COPG1: variants seen among roughly 807,000 people sequenced by gnomAD.
The protein encoded by COPG1 is coat protein complex I subunit gamma 1.
Under a neutral mutation model 102.8 loss-of-function variants are expected in COPG1, and 29 were observed. The ratio of observed to expected loss-of-function variants is 0.28; its 90% CI spans 0.21 to 0.38. The LOEUF is 0.38. Ranked by LOEUF, COPG1 falls within the 10% of genes least tolerant of loss-of-function variation. The pLI, the probability that COPG1 is intolerant of heterozygous loss-of-function variation, is 1.00. For missense variants in COPG1, 875 were observed against 1,132.7 expected (o/e 0.77, Z 3.27); for synonymous variants, 406 against 421.6 (o/e 0.96, Z 0.45).
intron 5 of COPG1, 101 bp downstream of exon 5, chr3:129,253,056 G>A: frequency 9.8e-7 from 1 of 1,017,366 alleles, no homozygotes; most frequent in East Asian, 2.4e-5. Context: ...CATATTGCCA[G>A]CTGCCCACCC....
Position 129,275,060 on chromosome 3 carries a change from C to G in COPG1, c.2395+84C>G, listed in dbSNP as rs903812201. 6.5e-7 allele frequency: 1 copy of G among 1,547,338 alleles called. No homozygotes were observed. The highest frequency in any genetic ancestry group is 1.7e-5 in the Admixed American group (1 of 58,788). Reference sequence around the variant, plus strand: ...TTGAAGTGCTCATCCCTTTTCTCTCCAAGGATCCAGGGCCATGTCTGGAGC... The same window carrying G: ...TTGAAGTGCTCATCCCTTTTCTCTCGAAGGATCCAGGGCCATGTCTGGAGC... On this transcript the variant is annotated intron_variant, in intron 22 of 23. Coordinates refer to ENST00000314797, the MANE Select transcript of COPG1 (RefSeq NM_016128.4). The surrounding 1 kb of genome is among the most constrained non-coding windows in gnomAD (Gnocchi z 5.0).
intron 21 of COPG1, 33 bp downstream of exon 21, chr3:129,272,937 T>C: frequency 7.6e-7 from 1 of 1,320,472 alleles, no homozygotes; most frequent in Non-Finnish European, 1.1e-6. Flanking sequence ...CTCAGTTTTG[T>C]GCTGAGGCTG....
chr3:129,256,420 G>A (rs1012347527), intron 8 of COPG1, among the ~76,000 whole-genome samples: 15 of 152,238 alleles, frequency 9.9e-5, no homozygotes, highest in Non-Finnish European at 2.2e-4. Flanking sequence ...TATTGTTTTG[G>A]AGCATATGAT....
chr3:129,266,944 C>T (rs1940072271), intron 14 of COPG1, 80 bp from the exon 15 acceptor site: 3 of 1,234,022 alleles, frequency 2.4e-6, no homozygotes, highest in South Asian at 1.2e-5. Context: ...TGCCTGAAGA[C>T]CCATTCTGAG....
intron 21 of COPG1, among the ~76,000 whole-genome samples, chr3:129,274,511 T>C (rs1576971168): frequency 6.6e-6 from 1 of 152,184 alleles, no homozygotes; most frequent in Admixed American, 6.5e-5. Flanking sequence ...GAGAATGCTA[T>C]GTAATTCCCT....
At chr3:129,277,044 G>A (rs532321389) in intron 23 of COPG1, among the ~76,000 whole-genome samples, 31 of 151,932 alleles carry the variant, frequency 2.0e-4, no homozygotes, top group Middle Eastern at 3.4e-3. Context: ...GGCTGGTCTC[G>A]AATTCCTGAC....
chr3:129,272,115 C>A (rs767631046), intron 19 of COPG1, 129 bp from the exon 20 acceptor site: 9 of 1,059,344 alleles, frequency 8.5e-6, no homozygotes, highest in Non-Finnish European at 1.2e-5. Flanking sequence ...AGACAGGGAA[C>A]CTGGGGCAGG....
chr3:129,267,292 T>A, intron 15 of COPG1, 193 bp downstream of exon 15: 1 of 461,266 alleles, frequency 2.2e-6, no homozygotes, highest in Non-Finnish European at 3.9e-6. Flanking sequence ...GATGTGACAA[T>A]TGGTAACTTG....
At chr3:129,252,770 C>G (rs1939726402) in intron 4 of COPG1, 76 bp downstream of exon 4, 1 of 1,546,718 alleles carries the variant, frequency 6.5e-7, no homozygotes, top group African/African-American at 1.4e-5. Flanking sequence ...GAGAGCTGGC[C>G]CCACCAGTCA....
chr3:129,264,973 C>T (rs1338741588), intron 13 of COPG1, among the ~76,000 whole-genome samples: 1 of 151,956 alleles, frequency 6.6e-6, no homozygotes, highest in Non-Finnish European at 1.5e-5. Flanking sequence ...AGGTGCCCCC[C>T]ACCACGCCCG....
intron 10 of COPG1, among the ~76,000 whole-genome samples, chr3:129,258,331 C>G (rs182798215): frequency 6.6e-6 from 1 of 152,366 alleles, no homozygotes; most frequent in African/African-American, 2.4e-5. Flanking sequence ...CCTCTCCATG[C>G]CTTCCTTTTC....
chr3:129,255,170 T>TCTTC (rs1939782250), intron 7 of COPG1, 93 bp downstream of exon 7: 1 of 792,740 alleles, frequency 1.3e-6, no homozygotes, highest in Non-Finnish European at 2.0e-6. Flanking sequence ...AGAAAGTGTT[T>TCTTC]CTTTCTTTCT....
At position 129,255,010 on chromosome 3, in the gene COPG1, G is replaced by A; in HGVS notation, c.425G>A (p.Arg142His). Residue 142 changes from arginine (R) to histidine (H), a missense_variant, in exon 7 of 24, where the codon CGC (arginine) becomes CAC (histidine). Coordinates refer to ENST00000314797, the MANE Select transcript of COPG1 (RefSeq NM_016128.4). ...AGCACCATGCTGCAGGCTATTGAGC[G>A]CTACATGAAACAAGCCATTGTGGAC... ...TDSTMLQAIE[R>H]YMKQAIVDKV... 7 of 1,614,094 alleles carry A rather than the reference G, an allele frequency of 4.3e-6. No homozygotes were observed. The highest frequency in any genetic ancestry group is 5.9e-6 in the Non-Finnish European group (7 of 1,179,960).
chr3:129,267,008 C>A lies in COPG1; in HGVS notation c.1469-16C>A. ...CAGGGTGCATTGGGTAAATCACATTCGCTTCCTAAACACAGGTGCTGTGAG... is the reference window on the plus strand; with the variant it reads ...CAGGGTGCATTGGGTAAATCACATTAGCTTCCTAAACACAGGTGCTGTGAG... On this transcript the variant is annotated splice_polypyrimidine_tract_variant and intron_variant, in intron 14 of 23. Transcript: ENST00000314797. 6.2e-7 allele frequency: 1 copy of A among 1,611,766 alleles called. No homozygotes were observed. Among genetic ancestry groups the A allele is most frequent in the South Asian group, 1.1e-5 (1 of 90,960 alleles).
intron 18 of COPG1, among the ~76,000 whole-genome samples, chr3:129,269,611 A>G (rs1278716010): frequency 6.6e-6 from 1 of 152,016 alleles, no homozygotes; most frequent in Admixed American, 6.6e-5. Context: ...TTCTGCGTCT[A>G]TCACAGCACT....
intron 12 of COPG1, among the ~76,000 whole-genome samples, chr3:129,263,160 G>A (rs1470564363): frequency 6.6e-6 from 1 of 152,158 alleles, no homozygotes; most frequent in Non-Finnish European, 1.5e-5. Context: ...AGCTTTTTGA[G>A]GGATAATGCC....
chr3:129,276,823 CTT>C (rs34883126), intron 23 of COPG1, among the ~76,000 whole-genome samples: 18 of 129,924 alleles, frequency 1.4e-4, no homozygotes, highest in Admixed American at 2.4e-4. Context: ...CAGTGACTTT[CTT>C]TTTTTTTTTT....
At chr3:129,257,286 T>C (rs2107674190) in intron 8 of COPG1, among the ~76,000 whole-genome samples, 184 bp from the exon 9 acceptor site, 1 of 152,338 alleles carries the variant, frequency 6.6e-6, no homozygotes, top group East Asian at 1.9e-4. Flanking sequence ...CTGTGGTTTG[T>C]GAAGCATTGT....
intron 14 of COPG1, 82 bp from the exon 15 acceptor site, chr3:129,266,942 G>T: frequency 8.3e-7 from 1 of 1,211,452 alleles, no homozygotes; most frequent in South Asian, 1.2e-5. Context: ...TCTGCCTGAA[G>T]ACCCATTCTG....
Sources: gnomAD v4.1 joint callset for allele counts (sites outside exome capture counted in the v4.1 genomes callset) on GRCh38, gnomAD v4.1.1 for gene constraint, Gnocchi (gnomAD v3.1) non-coding constraint, MANE v1.5 for transcripts, NCBI Gene and HGNC (gene_info 2026-07-23, HGNC 2026-07-21) for gene names.